The following FBN2 variants were observed in gnomAD, a reference collection of about 807,000 sequenced individuals.
FBN2 encodes fibrillin 2.
In FBN2, 105 loss-of-function variants were observed where a neutral mutation model predicts 355.6. The observed-to-expected ratio is 0.30, with a 90% CI of 0.25 to 0.35. The LOEUF is 0.35. Among genes scored for constraint, FBN2 ranks in the 10% least tolerant of loss-of-function variants. The pLI is 1.00. For synonymous variants in FBN2, 1,350 were observed against 1,301.2 expected, an observed-to-expected ratio of 1.04 and a Z score of -0.81; for missense variants, 3,280 against 3,758.7, an observed-to-expected ratio of 0.87 and a Z score of 3.33.
At chr5:128,497,988 G>T (rs1419209320) in intron 5 of FBN2, among the ~76,000 whole-genome samples, 8 of 151,352 alleles carry the variant, frequency 5.3e-5, no homozygotes, top group African/African-American at 2.0e-4. Context: ...GCAAAAGGAA[G>T]CCCAACCCCT....
rs185738961 is a variant in FBN2, at chr5:128,386,311, T to A, written c.1603+5707A>T. 7.6e-4 allele frequency among the ~76,000 whole-genome samples: 115 copies of A among 152,302 alleles called. 1 individual carries two copies. The highest frequency in any genetic ancestry group is 2.8e-3 in the African/African-American group (115 of 41,588). On this transcript the variant is annotated intron_variant, in intron 11 of 64. Transcript: ENST00000262464. ...CTTTGTTGCTTGTTTTTGTTGACTT[T>A]GTCAGAGATCAAATGGTTGTAGGTG...
intron 4 of FBN2, among the ~76,000 whole-genome samples, chr5:128,520,494 G>T (rs1415400339): frequency 6.6e-6 from 1 of 151,952 alleles, no homozygotes; most frequent in Non-Finnish European, 1.5e-5. Flanking sequence ...GGAAGTGGGG[G>T]GCCAAACACT....
intron 41 of FBN2, among the ~76,000 whole-genome samples, chr5:128,307,655 T>C (rs1749921080): frequency 2.0e-5 from 3 of 150,644 alleles, no homozygotes; most frequent in South Asian, 4.2e-4. Context: ...GTATAATGAA[T>C]GAGATGCGAA....
chr5:128,280,204 TG>T lies in FBN2; in HGVS notation c.7125del (p.Thr2376LeufsTer80). On this transcript the variant is annotated frameshift_variant, in exon 56 of 65. Coordinates refer to ENST00000262464, the MANE Select transcript of FBN2 (RefSeq NM_001999.4). LOFTEE classifies it high-confidence loss of function. The stretch of plus-strand genomic sequence containing the variant: ...GATGTCAACTTACCAAGGCATTCAG[TG>T]CCTGAAGAACTTGACTGGAATCCTT... The part of the protein sequence containing the change: ...CNEGFQSSSS[G>X]TECLDNRQGL... 1.2e-6 allele frequency: 2 copies of T among 1,612,486 alleles called. No homozygotes were observed. Among genetic ancestry groups the T allele is most frequent in the Non-Finnish European group, 1.7e-6 (2 of 1,178,854 alleles).
intron 31 of FBN2, among the ~76,000 whole-genome samples, chr5:128,334,191 GAGAA>G (rs1235210225): frequency 6.6e-6 from 1 of 151,964 alleles, no homozygotes; most frequent in Non-Finnish European, 1.5e-5. Flanking sequence ...AGAGGAAAAA[GAGAA>G]AGGCAATTTG....
chr5:128,420,407 G>A (rs1379922146), intron 7 of FBN2, among the ~76,000 whole-genome samples: 1 of 152,050 alleles, frequency 6.6e-6, no homozygotes, highest in African/African-American at 2.4e-5. Context: ...GTAATCCCCA[G>A]GATCTTCTTT....
At chr5:128,312,475 A>G (rs1175660247) in intron 37 of FBN2, among the ~76,000 whole-genome samples, 159 bp downstream of exon 37, 1 of 152,200 alleles carries the variant, frequency 6.6e-6, no homozygotes, top group East Asian at 1.9e-4. Flanking sequence ...ATCCTTTAAC[A>G]TTCTTGGCTG....
At chr5:128,517,637 A>G (rs1398924184) in intron 5 of FBN2, among the ~76,000 whole-genome samples, 1 of 152,188 alleles carries the variant, frequency 6.6e-6, no homozygotes, top group Non-Finnish European at 1.5e-5. Flanking sequence ...AAAAGATTTT[A>G]CTTTTCAAAC....
intron 7 of FBN2, among the ~76,000 whole-genome samples, chr5:128,410,778 CA>C (rs1015731117): frequency 3.3e-5 from 5 of 151,232 alleles, no homozygotes; most frequent in African/African-American, 9.7e-5. Context: ...TTTTATTGTG[CA>C]AAAAAAACCT....
At chr5:128,270,556 C>T (rs1047729681) in intron 62 of FBN2, among the ~76,000 whole-genome samples, 6 of 151,986 alleles carry the variant, frequency 3.9e-5, no homozygotes, top group Admixed American at 6.6e-5. Context: ...CTGAAGAAAA[C>T]GTCGGCAATA....
intron 48 of FBN2, among the ~76,000 whole-genome samples, chr5:128,294,564 T>C (rs1289829108): frequency 2.0e-5 from 3 of 149,626 alleles, no homozygotes; most frequent in African/African-American, 4.9e-5. Flanking sequence ...ATTGTGGTTT[T>C]GATTTGCATT....
chr5:128,286,607 A>T, intron 55 of FBN2, 111 bp downstream of exon 55: 1 of 1,304,192 alleles, frequency 7.7e-7, no homozygotes, highest in Non-Finnish European at 1.1e-6. Flanking sequence ...CACTGCCTTA[A>T]CACAGCTGGA....
intron 5 of FBN2, among the ~76,000 whole-genome samples, chr5:128,475,417 A>G (rs1357022628): frequency 6.6e-6 from 1 of 152,158 alleles, no homozygotes; most frequent in Non-Finnish European, 1.5e-5. Flanking sequence ...GTGCAAAAAA[A>G]GGGATGGTCA....
intron 57 of FBN2, 88 bp downstream of exon 57, chr5:128,278,542 GATTGT>G: frequency 9.0e-7 from 1 of 1,104,980 alleles, no homozygotes; most frequent in South Asian, 1.3e-5. Flanking sequence ...CTACTCTTTT[GATTGT>G]ATCAATTTTT....
chr5:128,294,773 C>A lies in FBN2; in HGVS notation c.6167-3119G>T, dbSNP rs1252895958. ...AGAGTAGGTTGCGAAAATTTTCTCC[C>A]ATTTTGTAGGTTGCCTGTTCACTCT... On this transcript the variant is annotated intron_variant, in intron 48 of 64. Coordinates refer to ENST00000262464, the MANE Select transcript of FBN2 (RefSeq NM_001999.4). 3.3e-5 allele frequency among the ~76,000 whole-genome samples: 5 copies of A among 150,242 alleles called. No homozygotes were observed. In the East Asian group the frequency reaches 9.8e-4, roughly 29 times the overall value.
chr5:128,449,333 C>CT (rs1184981851), intron 6 of FBN2, among the ~76,000 whole-genome samples: 2 of 143,200 alleles, frequency 1.4e-5, no homozygotes, highest in Admixed American at 7.0e-5. Flanking sequence ...ATATAGTATA[C>CT]GTATAATTAC....
intron 19 of FBN2, among the ~76,000 whole-genome samples, chr5:128,360,847 A>G (rs913310664): frequency 3.3e-5 from 5 of 152,078 alleles, no homozygotes; most frequent in Non-Finnish European, 7.4e-5. Context: ...ATAAAAAAAA[A>G]GGGCTATTCC....
intron 11 of FBN2, among the ~76,000 whole-genome samples, chr5:128,382,849 A>C (rs1048548398): frequency 6.6e-6 from 1 of 152,040 alleles, no homozygotes; most frequent in African/African-American, 2.4e-5. Context: ...CTTATATAAA[A>C]ATTTACTAGC....
chr5:128,441,256 G>A (rs953493295), intron 7 of FBN2, among the ~76,000 whole-genome samples: 3 of 152,132 alleles, frequency 2.0e-5, no homozygotes, highest in Non-Finnish European at 4.4e-5. Context: ...ACCACAAAAT[G>A]CAATGGGCAA....
Sources: gnomAD v4.1 joint callset for allele counts (sites outside exome capture counted in the v4.1 genomes callset) on GRCh38, gnomAD v4.1.1 for gene constraint, MANE v1.5 for transcripts, NCBI Gene and HGNC (gene_info 2026-07-23, HGNC 2026-07-21) for gene names.